ZHX2: variants seen among roughly 807,000 people sequenced by gnomAD.
ZHX2 encodes the protein zinc fingers and homeoboxes protein 2.
Under a neutral mutation model 21.9 loss-of-function variants are expected in ZHX2, and 6 were observed. The observed-to-expected ratio is 0.27, with a 90% CI of 0.15 to 0.54. The LOEUF is 0.54. ZHX2 is among the 20% of genes least tolerant of loss of function. The probability of loss-of-function intolerance (pLI) is 0.95; values close to 1 mark genes in which losing one functional copy is unlikely to be tolerated. For synonymous variants in ZHX2, 434 were observed against 437.1 expected, an observed-to-expected ratio of 0.99 and a Z score of 0.09; for missense variants, 908 against 1,090.7, an observed-to-expected ratio of 0.83 and a Z score of 2.36.
chr8:122,848,130 T>C (rs972226991), intron 1 of ZHX2, among the ~76,000 whole-genome samples: 5 of 152,202 alleles, frequency 3.3e-5, no homozygotes, highest in Admixed American at 6.5e-5. Flanking sequence ...TTTTGAGGAA[T>C]GAATGAGTGA....
chr8:122,885,421 G>A (rs1325825413), intron 2 of ZHX2, among the ~76,000 whole-genome samples: 2 of 151,966 alleles, frequency 1.3e-5, no homozygotes, highest in East Asian at 1.9e-4. Context: ...GGGAGCCATC[G>A]GGACGGTGGA....
At position 122,841,542 on chromosome 8, in the gene ZHX2, G is replaced by A. The variant is rs114349944; in HGVS notation, c.-282-21935G>A. Reference sequence around the variant, plus strand: ...GTACATACAGGGCACTTGGAGGGTCGGGGGTTGGGGGGCAATCCAGGCAGA... The same window carrying A: ...GTACATACAGGGCACTTGGAGGGTCAGGGGTTGGGGGGCAATCCAGGCAGA... On this transcript the variant is annotated intron_variant, in intron 1 of 3. Transcript: ENST00000314393. 6.6e-3 allele frequency among the ~76,000 whole-genome samples: 1,001 copies of A among 152,152 alleles called. 17 individuals are homozygous for A. Among genetic ancestry groups the A allele is most frequent in the African/African-American group, 0.022 (897 of 41,504 alleles).
At chr8:122,967,395 A>T (rs1813609987) in intron 3 of ZHX2, among the ~76,000 whole-genome samples, 1 of 152,256 alleles carries the variant, frequency 6.6e-6, no homozygotes. Context: ...CCTGAGAGCC[A>T]GACTGCAGTG....
At chr8:122,807,345 T>C (rs1045920394) in intron 1 of ZHX2, among the ~76,000 whole-genome samples, 3 of 152,202 alleles carry the variant, frequency 2.0e-5, no homozygotes, top group East Asian at 1.9e-4. Flanking sequence ...TTTAATAATA[T>C]TACATATTTG....
intron 1 of ZHX2, among the ~76,000 whole-genome samples, chr8:122,788,341 T>C (rs1469867121): frequency 1.3e-5 from 2 of 152,186 alleles, no homozygotes; most frequent in African/African-American, 4.8e-5. Flanking sequence ...GTGGATCGCT[T>C]GAGCTCAGGA....
intron 1 of ZHX2, among the ~76,000 whole-genome samples, chr8:122,793,287 G>A (rs182277615): frequency 6.6e-6 from 1 of 152,298 alleles, no homozygotes; most frequent in African/African-American, 2.4e-5. Flanking sequence ...CATCACCCAG[G>A]GACCAGGAAG....
chr8:122,964,790 C>A (rs1813537464), intron 3 of ZHX2, among the ~76,000 whole-genome samples: 2 of 151,634 alleles, frequency 1.3e-5, no homozygotes, highest in South Asian at 4.2e-4. Flanking sequence ...TTTTTGTTGG[C>A]AATTTTTTTA....
intron 2 of ZHX2, among the ~76,000 whole-genome samples, chr8:122,913,014 T>C (rs980271322): frequency 2.0e-5 from 3 of 152,206 alleles, no homozygotes; most frequent in Non-Finnish European, 4.4e-5. Context: ...CCTATACCCA[T>C]TGGCAGTTAC....
At chr8:122,792,267 C>T (rs1266078522) in intron 1 of ZHX2, among the ~76,000 whole-genome samples, 1 of 152,208 alleles carries the variant, frequency 6.6e-6, no homozygotes, top group Non-Finnish European at 1.5e-5. Flanking sequence ...TCTGGCTTCT[C>T]TTCTTTCCCT....
At chr8:122,820,767 G>A (rs1392807445) in intron 1 of ZHX2, among the ~76,000 whole-genome samples, 2 of 152,162 alleles carry the variant, frequency 1.3e-5, no homozygotes, top group African/African-American at 4.8e-5. Flanking sequence ...GTGCTTTAGA[G>A]CCTTTAAAAA....
intron 1 of ZHX2, among the ~76,000 whole-genome samples, chr8:122,799,946 C>G (rs1431127902): frequency 6.6e-6 from 1 of 152,164 alleles, no homozygotes; most frequent in African/African-American, 2.4e-5. Context: ...TCACTGCAAC[C>G]TCCACCTCCC....
chr8:122,813,616 C>G (rs559077074), intron 1 of ZHX2, among the ~76,000 whole-genome samples: 1 of 152,316 alleles, frequency 6.6e-6, no homozygotes, highest in African/African-American at 2.4e-5. Flanking sequence ...GGTTGAATAT[C>G]TCTTATCCAA....
chr8:122,785,372 A>T (rs4870813), intron 1 of ZHX2, among the ~76,000 whole-genome samples: 152,023 of 152,344 alleles, frequency 1, 75,852 homozygotes, highest in Middle Eastern at 1. Flanking sequence ...TTCTTTCTAC[A>T]CTGCCATGCT....
At chr8:122,954,436 T>C (rs1263379224) in intron 3 of ZHX2, among the ~76,000 whole-genome samples, 1 of 152,168 alleles carries the variant, frequency 6.6e-6, no homozygotes, top group Admixed American at 6.5e-5. Context: ...GCTTATCAAG[T>C]AGCTGGGACT....
intron 2 of ZHX2, among the ~76,000 whole-genome samples, chr8:122,895,694 C>T (rs1820082337): frequency 6.6e-6 from 1 of 151,172 alleles, no homozygotes; most frequent in South Asian, 2.1e-4. Flanking sequence ...CATCCTTGCT[C>T]TTTAGACATC....
intron 3 of ZHX2, among the ~76,000 whole-genome samples, chr8:122,958,033 T>C (rs1045604202): frequency 6.6e-6 from 1 of 152,264 alleles, no homozygotes; most frequent in Non-Finnish European, 1.5e-5. Context: ...ATAATAATCC[T>C]GAAATAATTC....
intron 3 of ZHX2, among the ~76,000 whole-genome samples, chr8:122,957,717 T>C (rs6989456): frequency 0.72 from 109,441 of 152,038 alleles, 40,259 homozygotes; most frequent in African/African-American, 0.88. Flanking sequence ...GTGATCCATC[T>C]GCCTCAGCCT....
intron 2 of ZHX2, among the ~76,000 whole-genome samples, chr8:122,925,007 T>G (rs940031366): frequency 6.6e-6 from 1 of 152,190 alleles, no homozygotes; most frequent in African/African-American, 2.4e-5. Context: ...ACTACATACC[T>G]TACTCTGCTG....
At chr8:122,955,070 G>C (rs1033464162) in intron 3 of ZHX2, among the ~76,000 whole-genome samples, 3 of 75,858 alleles carry the variant, frequency 4.0e-5, no homozygotes, top group East Asian at 3.4e-4. Context: ...CACATAAGCC[G>C]GGGGGGGGGG....
Sources: gnomAD v4.1 joint callset for allele counts (sites outside exome capture counted in the v4.1 genomes callset) on GRCh38, gnomAD v4.1.1 for gene constraint, MANE v1.5 for transcripts, NCBI Gene and HGNC (gene_info 2026-07-23, HGNC 2026-07-21) for gene names.